Variants in CUL4A observed in about 807,000 individuals in gnomAD.
CUL4A encodes cullin-4A.
In CUL4A, 16 loss-of-function variants were observed where a neutral mutation model predicts 95.5. The observed-to-expected ratio is 0.17, with a 90% CI of 0.11 to 0.25. The LOEUF is 0.25. Among genes scored for constraint, CUL4A ranks in the 10% least tolerant of loss-of-function variants. The pLI is 1.00. For synonymous variants in CUL4A, 380 were observed against 353.1 expected, an observed-to-expected ratio of 1.08 and a Z score of -0.85; for missense variants, 610 against 937.0, an observed-to-expected ratio of 0.65 and a Z score of 4.56.
chr13:113,217,847 G>A (rs774401372), intron 2 of CUL4A, among the ~76,000 whole-genome samples: 1 of 152,182 alleles, frequency 6.6e-6, no homozygotes, highest in African/African-American at 2.4e-5. Context: ...TTGTACCTAA[G>A]ATTGGAAAGG....
chr13:113,246,856 T>C (rs2041871064), intron 15 of CUL4A, among the ~76,000 whole-genome samples: 1 of 152,228 alleles, frequency 6.6e-6, no homozygotes. Flanking sequence ...TGTCCATTGT[T>C]ATGCTTAGGT....
At chr13:113,228,658 T>C (rs973879398) in intron 4 of CUL4A, among the ~76,000 whole-genome samples, 2 of 151,976 alleles carry the variant, frequency 1.3e-5, no homozygotes, top group Admixed American at 1.3e-4. Flanking sequence ...GTGGGCTCGA[T>C]GGTAGGAGCA....
chr13:113,263,240 C>A (rs1436958150), intron 19 of CUL4A, among the ~76,000 whole-genome samples: 1 of 152,198 alleles, frequency 6.6e-6, no homozygotes, highest in Non-Finnish European at 1.5e-5. Context: ...CAGGAAACCA[C>A]ACTCTGACCA....
At chr13:113,224,883 C>T (rs180882343) in intron 3 of CUL4A, among the ~76,000 whole-genome samples, 26 of 152,308 alleles carry the variant, frequency 1.7e-4, no homozygotes, top group Non-Finnish European at 3.1e-4. Flanking sequence ...GAATGAGGGT[C>T]GGCCTAGGGC....
Position 113,260,776 on chromosome 13 carries a change from C to T in CUL4A, c.2184+17C>T, listed in dbSNP as rs1296663770. ...CCAGTAAAGGTAAATGTAACATTAG[C>T]ATAATTAAATTTGTAGTATTTGCTA... On this transcript the variant is annotated intron_variant, in intron 19 of 19. Coordinates refer to ENST00000375440, the MANE Select transcript of CUL4A (RefSeq NM_001008895.4). The T allele has an allele frequency of 1.3e-6, 2 of 1,518,222 alleles. No individual in the cohort carries two copies. Among genetic ancestry groups the T allele is most frequent in the South Asian group, 2.4e-5 (2 of 83,954 alleles). 94.0% of individuals were successfully genotyped at this position (1,518,222 alleles called of 1,614,324 possible). A position where few individuals can be genotyped will look rare whatever the true frequency, so the allele number is the denominator to read the frequency against.
Position 113,244,452 on chromosome 13 carries a change from C to G in CUL4A, c.1271C>G (p.Ala424Gly), listed in dbSNP as rs1439578919. The G allele has an allele frequency of 6.2e-7, 1 of 1,613,688 alleles. No individual in the cohort carries two copies. Among genetic ancestry groups the G allele is most frequent in the Non-Finnish European group, 8.5e-7 (1 of 1,179,904 alleles). ...AAGTTAAGAGCAGGCAACAAAGAAG[C>G]CACAGACGAGGAGCTGGAGCGGACG... is the stretch of plus-strand genomic sequence containing the variant. Reference protein sequence around the residue: ...DSKLRAGNKEATDEELERTLD... With the variant: ...DSKLRAGNKEGTDEELERTLD... The change falls in exon 12 of 20, where the codon GCC (alanine) becomes GGC (glycine). Residue 424 changes from alanine to glycine, a missense_variant. Physicochemically the swap from Ala to Gly is moderately conservative, Grantham distance 60. Around this residue, in one of 10 missense-constraint regions of CUL4A, gnomAD observed 153 missense variants for 244.5 expected, o/e 0.63. Coordinates refer to ENST00000375440, the MANE Select transcript of CUL4A (RefSeq NM_001008895.4).
At chr13:113,253,051 C>T in intron 15 of CUL4A, 31 bp from the exon 16 acceptor site, 1 of 1,114,532 alleles carries the variant, frequency 9.0e-7, no homozygotes. Context: ...TGGTGTGTGG[C>T]ATAATTTTGT....
intron 3 of CUL4A, among the ~76,000 whole-genome samples, chr13:113,223,436 C>T (rs1447195673): frequency 6.6e-6 from 1 of 152,132 alleles, no homozygotes; most frequent in African/African-American, 2.4e-5. Flanking sequence ...CTCTTAATTG[C>T]CCAGGCTAGT....
chr13:113,258,269 C>T (rs950680853), intron 18 of CUL4A, among the ~76,000 whole-genome samples: 1 of 152,096 alleles, frequency 6.6e-6, no homozygotes, highest in Non-Finnish European at 1.5e-5. Context: ...GGGATTACAG[C>T]CGTGAGCCAC....
Position 113,218,369 on chromosome 13 carries a change from T to C in CUL4A, c.265-576T>C, listed in dbSNP as rs2040772054. ...AAATAGGAAACAATACAGTCTGGCCTGTGTCACCCAGAAAAAGCTCAGTTT... is the reference window on the plus strand; with the variant it reads ...AAATAGGAAACAATACAGTCTGGCCCGTGTCACCCAGAAAAAGCTCAGTTT... On this transcript the variant is annotated intron_variant, in intron 2 of 19. Coordinates refer to ENST00000375440, the MANE Select transcript of CUL4A (RefSeq NM_001008895.4). Among the ~76,000 whole-genome samples the C allele has an allele frequency of 2.6e-5, 4 of 152,348 alleles. No homozygotes were observed. The South Asian group carries it at 8.3e-4, about 32-fold the overall frequency.
At chr13:113,236,989 G>A in intron 9 of CUL4A, 99 bp downstream of exon 9, 1 of 752,956 alleles carries the variant, frequency 1.3e-6, no homozygotes, top group East Asian at 2.9e-5. Context: ...TAGGACGTTT[G>A]TTATTTTCAT....
At chr13:113,208,260 C>G, upstream of CUL4A, 1 of 1,446,132 alleles carries the variant, frequency 6.9e-7, no homozygotes, top group East Asian at 2.5e-5. Flanking sequence ...GGGCCCTCGG[C>G]GTGGCCCGCA....
chr13:113,248,562 C>G (rs2041914103), intron 15 of CUL4A, among the ~76,000 whole-genome samples: 1 of 152,044 alleles, frequency 6.6e-6, no homozygotes, highest in South Asian at 2.1e-4. Context: ...CTTTAACATT[C>G]AAGTTACCTT....
chr13:113,213,664 T>TAA (rs2139080105), intron 2 of CUL4A, among the ~76,000 whole-genome samples: 1 of 152,374 alleles, frequency 6.6e-6, no homozygotes, highest in South Asian at 2.1e-4. Context: ...ATATGTCTTA[T>TAA]AAAACAATCA....
chr13:113,263,023 G>GATGTATGTACATTTCACAAGTT (rs2042326421), intron 19 of CUL4A: 1 of 5,722 alleles, frequency 1.7e-4, no homozygotes, highest in African/African-American at 3.2e-4. Context: ...GATGGCAGAT[G>GATGTATGTACATTTCACAAGTT]TCGGGTCTGC....
intron 18 of CUL4A, among the ~76,000 whole-genome samples, chr13:113,259,943 C>T (rs1214685250): frequency 2.6e-5 from 4 of 151,958 alleles, no homozygotes; most frequent in African/African-American, 9.7e-5. Flanking sequence ...CGGTGGCTCA[C>T]GCCTGTAATC....
Position 113,265,978 on chromosome 13 carries a change from C to T in CUL4A, c.*2396C>T, listed in dbSNP as rs2042390739. On this transcript the variant is annotated 3_prime_UTR_variant, in exon 20 of 20. Transcript: ENST00000375440. ...CCAGACACAAAATTAACAAAAACAT[C>T]AGTAGCTTTCCTATAAATATAGGCT... 1 of 152,146 alleles carries T rather than the reference C, an allele frequency of 6.6e-6. No individual in the cohort carries two copies. The highest frequency in any genetic ancestry group is 1.5e-5 in the Non-Finnish European group (1 of 68,018). The allele number at this position is 152,146 out of a possible 1,614,324, so 9.4% of individuals were successfully genotyped here. A position where few individuals can be genotyped will look rare whatever the true frequency, so the allele number is the denominator to read the frequency against.
In CUL4A at chr13:113,265,904, T is replaced by A. The variant is rs1380544479; in HGVS notation, c.*2322T>A. ...TAGATGGTTGCATACCCAGGTCATC[T>A]AAGGAGCAAATGAAAATCTGTGACT... On this transcript the variant is annotated 3_prime_UTR_variant, in exon 20 of 20. Coordinates refer to ENST00000375440, the MANE Select transcript of CUL4A (RefSeq NM_001008895.4). The A allele has an allele frequency of 6.6e-6, 1 of 152,212 alleles. No individual in the cohort carries two copies. Among genetic ancestry groups the A allele is most frequent in the Non-Finnish European group, 1.5e-5 (1 of 68,040 alleles). The allele number at this position is 152,212 out of a possible 1,614,324, so 9.4% of individuals were successfully genotyped here.
At chr13:113,225,492 T>C (rs1231479044) in intron 3 of CUL4A, among the ~76,000 whole-genome samples, 1 of 152,238 alleles carries the variant, frequency 6.6e-6, no homozygotes, top group African/African-American at 2.4e-5. Flanking sequence ...TAATGAACAC[T>C]TTACATTGGA....
Sources: gnomAD v4.1 joint callset for allele counts (sites outside exome capture counted in the v4.1 genomes callset) on GRCh38, gnomAD v4.1.1 for gene constraint, gnomAD v4.1.1 regional missense constraint, MANE v1.5 for transcripts, NCBI Gene and HGNC (gene_info 2026-07-23, HGNC 2026-07-21) for gene names.